KIAA1217: variants seen among roughly 807,000 people sequenced by gnomAD.
KIAA1217 encodes the protein sickle tail protein homolog.
A neutral mutation model predicts 163.9 loss-of-function variants in KIAA1217; 88 were observed. The ratio of observed to expected loss-of-function variants is 0.54; its 90% confidence interval spans 0.45 to 0.64. KIAA1217 has a LOEUF of 0.64. Among genes scored for constraint, KIAA1217 ranks in the 30% least tolerant of loss-of-function variants. KIAA1217 has a pLI of 0.00. For synonymous variants in KIAA1217, 903 were observed against 923.1 expected, an observed-to-expected ratio of 0.98 and a Z score of 0.39; for missense variants, 2,372 against 2,475.0, an observed-to-expected ratio of 0.96 and a Z score of 0.88.
intron 1 of KIAA1217, among the ~76,000 whole-genome samples, chr10:23,771,171 C>T (rs71493343): frequency 6.6e-6 from 1 of 152,036 alleles, no homozygotes; most frequent in African/African-American, 2.4e-5. Flanking sequence ...GGCTTTGCCT[C>T]CTACATAGTT....
intron 1 of KIAA1217, among the ~76,000 whole-genome samples, chr10:23,934,590 T>A (rs1315704073): frequency 1.4e-5 from 1 of 70,330 alleles, no homozygotes; most frequent in Admixed American, 1.5e-4. Flanking sequence ...TATATATATA[T>A]GTATATATAT....
intron 2 of KIAA1217, among the ~76,000 whole-genome samples, chr10:24,164,754 G>A (rs914543867): frequency 6.6e-5 from 10 of 152,094 alleles, no homozygotes; most frequent in African/African-American, 2.4e-4. Context: ...CAACAATTGG[G>A]AGCAGACACC....
At chr10:23,831,456 G>T (rs540512681) in intron 1 of KIAA1217, among the ~76,000 whole-genome samples, 1 of 152,160 alleles carries the variant, frequency 6.6e-6, no homozygotes, top group East Asian at 1.9e-4. Flanking sequence ...TAAAAGAAAG[G>T]GCAAATAACT....
At chr10:23,751,052 G>C (rs1288016829) in intron 1 of KIAA1217, among the ~76,000 whole-genome samples, 1 of 146,290 alleles carries the variant, frequency 6.8e-6, no homozygotes, top group Non-Finnish European at 1.5e-5. Context: ...TTTGGATACA[G>C]AGCCTTGTTC....
intron 1 of KIAA1217, among the ~76,000 whole-genome samples, chr10:23,914,418 A>C (rs1842559014): frequency 6.6e-6 from 1 of 152,094 alleles, no homozygotes; most frequent in South Asian, 2.1e-4. Context: ...GGGCTCAAGC[A>C]ATCCTCCCAC....
At chr10:23,850,782 T>A (rs1294060513) in intron 1 of KIAA1217, among the ~76,000 whole-genome samples, 2 of 152,034 alleles carry the variant, frequency 1.3e-5, no homozygotes, top group African/African-American at 2.4e-5. Context: ...ACAGGAAGCA[T>A]GGCTGGGGAG....
At chr10:24,188,105 G>C (rs1364671854) in intron 2 of KIAA1217, among the ~76,000 whole-genome samples, 1 of 152,124 alleles carries the variant, frequency 6.6e-6, no homozygotes, top group East Asian at 1.9e-4. Context: ...GCTGAGTCAG[G>C]AGAATCGCTC....
chr10:23,958,194 A>G (rs776047100), intron 1 of KIAA1217, among the ~76,000 whole-genome samples: 10 of 152,306 alleles, frequency 6.6e-5, no homozygotes, highest in Non-Finnish European at 1.3e-4. Flanking sequence ...CTATTCCAAG[A>G]TAAGTGCTTG....
In KIAA1217 at chr10:23,958,621, T is replaced by C. The variant is rs535651324; in HGVS notation, c.-320-48604T>C. The stretch of plus-strand genomic sequence containing the variant: ...TTCCCCTGTGAACAATTCATTCTTT[T>C]AAAACAACATTTTCTAAATTTTCTG... On this transcript the variant is annotated intron_variant, in intron 1 of 18. Transcript: ENST00000376462. 2.6e-5 allele frequency among the ~76,000 whole-genome samples: 4 copies of C among 152,246 alleles called. No individual in the cohort carries two copies. The South Asian group carries it at 8.3e-4, about 32-fold the overall frequency.
intron 9 of KIAA1217, 113 bp downstream of exon 9, chr10:24,501,658 G>T (rs978726006): frequency 1.2e-6 from 1 of 852,062 alleles, no homozygotes; most frequent in Non-Finnish European, 1.7e-6. Flanking sequence ...AAACAGCATG[G>T]CTTCCTCTCT....
chr10:24,237,513 C>T (rs2072457145), intron 2 of KIAA1217, among the ~76,000 whole-genome samples: 1 of 152,190 alleles, frequency 6.6e-6, no homozygotes, highest in Non-Finnish European at 1.5e-5. Context: ...AGCTGAGATA[C>T]TGTAATTTCC....
chr10:23,995,452 G>C (rs12248962), intron 1 of KIAA1217, among the ~76,000 whole-genome samples: 4 of 15,272 alleles, frequency 2.6e-4, no homozygotes, highest in African/African-American at 3.4e-4. Flanking sequence ...ATTATGGCCT[G>C]TGTGTGTGTG....
chr10:24,033,740 A>G (rs955440067), intron 2 of KIAA1217, among the ~76,000 whole-genome samples: 2 of 152,250 alleles, frequency 1.3e-5, no homozygotes, highest in Non-Finnish European at 2.9e-5. Flanking sequence ...ACTGGCTGCT[A>G]CTGAACAGGT....
chr10:24,432,264 TG>T (rs1378488510), intron 3 of KIAA1217, among the ~76,000 whole-genome samples: 5 of 151,810 alleles, frequency 3.3e-5, no homozygotes, highest in Non-Finnish European at 7.4e-5. Context: ...ATTACAGGCA[TG>T]TGCCACCACA....
rs140661373 is a variant in KIAA1217 at position 23,952,040 on chromosome 10, C to T, written c.-320-55185C>T. ...GATTAGAAGAATTCACCCGCCTTCC[C>T]GAAAGGCTGATGTTTCCCCTGGGGA... On this transcript the variant is annotated intron_variant, in intron 1 of 18. Coordinates refer to the KIAA1217 transcript ENST00000376462. 3.4e-3 allele frequency among the ~76,000 whole-genome samples: 520 copies of T among 152,248 alleles called. 1 individual carries two copies. The highest frequency in any genetic ancestry group is 5.1e-3 in the Non-Finnish European group (348 of 68,020).
intron 2 of KIAA1217, among the ~76,000 whole-genome samples, chr10:24,227,112 T>C (rs2070676654): frequency 6.6e-6 from 1 of 151,068 alleles, no homozygotes; most frequent in African/African-American, 2.4e-5. Flanking sequence ...AAATCTGACA[T>C]GTCCAACAAA....
At chr10:24,353,351 A>G (rs910747876) in intron 2 of KIAA1217, among the ~76,000 whole-genome samples, 2 of 152,122 alleles carry the variant, frequency 1.3e-5, no homozygotes, top group East Asian at 3.9e-4. Context: ...GATTTATTCC[A>G]TCGCATATTT....
intron 1 of KIAA1217, among the ~76,000 whole-genome samples, chr10:23,948,967 T>G (rs1263130847): frequency 2.0e-5 from 3 of 152,156 alleles, no homozygotes; most frequent in Non-Finnish European, 4.4e-5. Flanking sequence ...TCTGCTAAAC[T>G]GTGAGCCCTC....
In KIAA1217 at chr10:23,738,967, AT is replaced by A. The variant is rs563453258; in HGVS notation, c.-321+43738del. Among the ~76,000 whole-genome samples the A allele has an allele frequency of 6.6e-5, 10 of 152,300 alleles. No homozygotes were observed. The East Asian group carries it at 1.9e-3, about 29-fold the overall frequency. Reference sequence around the variant, plus strand: ...AGTAAAGTAGGGAAAGGAGAGAAGAATTTTTGGATCAGGTGCATGGGTTGCT... The same window carrying A: ...AGTAAAGTAGGGAAAGGAGAGAAGAATTTTGGATCAGGTGCATGGGTTGCT... On this transcript the variant is annotated intron_variant, in intron 1 of 18. Transcript: ENST00000376462.
Sources: gnomAD v4.1 joint callset for allele counts (sites outside exome capture counted in the v4.1 genomes callset) on GRCh38, gnomAD v4.1.1 for gene constraint, MANE v1.5 for transcripts, NCBI Gene and HGNC (gene_info 2026-07-23, HGNC 2026-07-21) for gene names.